The following LRP5 variants were observed in gnomAD, a reference collection of about 807,000 sequenced individuals.
The protein encoded by LRP5 is LDL receptor related protein 5.
In LRP5, 62 loss-of-function variants were observed where a neutral mutation model predicts 154.1. The ratio of observed to expected loss-of-function variants is 0.40; its 90% CI spans 0.33 to 0.50. LRP5 has a LOEUF of 0.50. LRP5 is among the 20% of genes least tolerant of loss of function. The probability of loss-of-function intolerance (pLI) is 0.55; values close to 1 mark genes in which losing one functional copy is unlikely to be tolerated. For synonymous variants in LRP5, 966 were observed against 1,011.5 expected, an observed-to-expected ratio of 0.96 and a Z score of 0.85; for missense variants, 1,915 against 2,336.7, an observed-to-expected ratio of 0.82 and a Z score of 3.72.
rs368804010 is a variant in LRP5 at position 68,439,757 on chromosome 11, C to G, written c.4349-20C>G. The G allele has an allele frequency of 6.2e-6, 10 of 1,606,486 alleles. No individual in the cohort carries two copies. The highest frequency in any genetic ancestry group is 7.6e-6 in the Non-Finnish European group (9 of 1,177,400). Reference sequence around the variant, plus strand: ...CTGAGCCTGGAAGCCACCTGACCTCCCCCGTCCCTTCCCTGCCAGGCATCG... The same window carrying G: ...CTGAGCCTGGAAGCCACCTGACCTCGCCCGTCCCTTCCCTGCCAGGCATCG... On this transcript the variant is annotated intron_variant, in intron 20 of 22. Coordinates refer to ENST00000294304, the MANE Select transcript of LRP5 (RefSeq NM_002335.4).
chr11:68,327,795 G>A (rs2098600558), intron 1 of LRP5, among the ~76,000 whole-genome samples: 1 of 152,174 alleles, frequency 6.6e-6, no homozygotes, highest in African/African-American at 2.4e-5. Flanking sequence ...TCCCCCGGAC[G>A]GAATGTGTTT....
chr11:68,421,420 C>T (rs1478585011), intron 13 of LRP5, among the ~76,000 whole-genome samples: 1 of 152,114 alleles, frequency 6.6e-6, no homozygotes, highest in African/African-American at 2.4e-5. Flanking sequence ...TCTGTTTTTG[C>T]ATCTGGTTCC....
chr11:68,443,568 TA>T lies in LRP5; in HGVS notation c.4489-2867del, dbSNP rs1565122068. Among the ~76,000 whole-genome samples, 113 of 42,034 alleles carry T rather than the reference TA, an allele frequency of 2.7e-3. 2 individuals carry two copies. Among genetic ancestry groups the T allele is most frequent in the African/African-American group, 7.9e-3 (68 of 8,572 alleles). 27.6% of individuals were successfully genotyped at this position (42,034 alleles called of 152,430 possible). A position where few individuals can be genotyped will look rare whatever the true frequency, so the allele number is the denominator to read the frequency against. On this transcript the variant is annotated intron_variant, in intron 21 of 22. Transcript: ENST00000294304. The stretch of plus-strand genomic sequence containing the variant: ...GCATATATATATATATATATATATA[TA>T]TATATATATATATATATTTTTTTTT...
chr11:68,337,671 G>A (rs1251925336), intron 1 of LRP5, among the ~76,000 whole-genome samples: 2 of 150,772 alleles, frequency 1.3e-5, no homozygotes, highest in Non-Finnish European at 3.0e-5. Context: ...CCACAGCCGT[G>A]TCTTCTTCCT....
At chr11:68,396,749 C>T (rs1299261248) in intron 7 of LRP5, among the ~76,000 whole-genome samples, 7 of 152,058 alleles carry the variant, frequency 4.6e-5, no homozygotes, top group Non-Finnish European at 8.8e-5. Context: ...CCCCATCCTG[C>T]GACCAGCTGT....
At chr11:68,383,039 G>A (rs535261728) in intron 5 of LRP5, among the ~76,000 whole-genome samples, 30 of 152,110 alleles carry the variant, frequency 2.0e-4, no homozygotes, top group Non-Finnish European at 4.3e-4. Flanking sequence ...CACCAGGCCT[G>A]GCATATTTTT....
At chr11:68,358,050 G>T (rs2098624668) in intron 3 of LRP5, among the ~76,000 whole-genome samples, 1 of 152,112 alleles carries the variant, frequency 6.6e-6, no homozygotes, top group South Asian at 2.1e-4. Context: ...AGCAAATGTG[G>T]CACGTTCATT....
intron 2 of LRP5, among the ~76,000 whole-genome samples, chr11:68,351,615 G>A: frequency 6.6e-6 from 1 of 152,186 alleles, no homozygotes; most frequent in Non-Finnish European, 1.5e-5. Context: ...GTGGGTCGCT[G>A]CAGCTCCCTC....
intron 5 of LRP5, among the ~76,000 whole-genome samples, chr11:68,367,226 G>C (rs2098631600): frequency 1.3e-5 from 2 of 152,224 alleles, no homozygotes; most frequent in African/African-American, 4.8e-5. Flanking sequence ...GGACCAAGCA[G>C]GTTAAGGGAG....
chr11:68,322,703 G>A (rs1213016670), intron 1 of LRP5, among the ~76,000 whole-genome samples: 4 of 152,272 alleles, frequency 2.6e-5, no homozygotes, highest in Non-Finnish European at 5.9e-5. Context: ...GGCCTCATCT[G>A]TCCAGGGAGC....
At chr11:68,392,643 C>T (rs1016942522) in intron 7 of LRP5, among the ~76,000 whole-genome samples, 2 of 152,144 alleles carry the variant, frequency 1.3e-5, no homozygotes, top group African/African-American at 2.4e-5. Context: ...CCATGCCCAC[C>T]GGCACTCACG....
In LRP5 at chr11:68,376,171, CTTTTTTTTTT is replaced by C. The variant is rs60401481; in HGVS notation, c.1016-10130_1016-10121del. On this transcript the variant is annotated intron_variant, in intron 5 of 22. Coordinates refer to ENST00000294304, the MANE Select transcript of LRP5 (RefSeq NM_002335.4). ...GGGTCGTCCGTGGCTGGCCCTGCTT[CTTTTTTTTTT>C]TTTTTTTTTTTTTTAATTGAGACAG... is the stretch of plus-strand genomic sequence containing the variant. Among the ~76,000 whole-genome samples, 4 of 92,840 alleles carry C rather than the reference CTTTTTTTTTT, an allele frequency of 4.3e-5. No homozygotes were observed. In the South Asian group the frequency reaches 1.4e-3, roughly 32 times the overall value. 60.9% of individuals were successfully genotyped at this position (92,840 alleles called of 152,430 possible). A position where few individuals can be genotyped will look rare whatever the true frequency, so the allele number is the denominator to read the frequency against.
chr11:68,355,253 C>T (rs115955850), intron 2 of LRP5, among the ~76,000 whole-genome samples: 138 of 152,232 alleles, frequency 9.1e-4, no homozygotes, highest in African/African-American at 3.1e-3. Flanking sequence ...CCCTGTGTCC[C>T]GGGATCACTC....
At chr11:68,343,725 G>T (rs554588110) in intron 1 of LRP5, among the ~76,000 whole-genome samples, 1 of 152,158 alleles carries the variant, frequency 6.6e-6, no homozygotes, top group East Asian at 1.9e-4. Flanking sequence ...CCCAGCGAAG[G>T]CCCCTCCTGC....
In LRP5 at chr11:68,423,491, C is replaced by G. The variant is rs1334335601; in HGVS notation, c.3030C>G (p.Pro1010=). 2.7e-5 allele frequency: 43 copies of G among 1,614,090 alleles called. No individual in the cohort carries two copies. The highest frequency in any genetic ancestry group is 3.6e-5 in the Non-Finnish European group (43 of 1,179,944). ...IKRAKDDGTQ[P]FVLTSLSQGQ... ...GTCTTGGTTTCTTTGTCTTACAGCC[C>G]TTTGTTTTGACCTCTCTGAGCCAAG... The change falls in exon 14 of 23, where the codon CCC becomes CCG. Residue 1010 remains proline, a splice_region_variant and synonymous_variant. Coordinates refer to ENST00000294304, the MANE Select transcript of LRP5 (RefSeq NM_002335.4). The surrounding 1 kb of genome is among the most constrained non-coding windows in gnomAD (Gnocchi z 4.7).
At chr11:68,323,652 T>G (rs927922684) in intron 1 of LRP5, among the ~76,000 whole-genome samples, 4 of 152,160 alleles carry the variant, frequency 2.6e-5, no homozygotes, top group Non-Finnish European at 5.9e-5. Flanking sequence ...ACTCCTGGGC[T>G]TAAGTGATCC....
Position 68,436,553 on chromosome 11 carries a change from A to ACCC in LRP5, c.4001-331_4001-329dup, listed in dbSNP as rs58286192. Among the ~76,000 whole-genome samples the ACCC allele has an allele frequency of 0.058, 8,620 of 148,134 alleles. 647 individuals are homozygous for ACCC. Among genetic ancestry groups the ACCC allele is most frequent in the African/African-American group, 0.18 (7,092 of 40,176 alleles). On this transcript the variant is annotated intron_variant, in intron 18 of 22. Coordinates refer to ENST00000294304, the MANE Select transcript of LRP5 (RefSeq NM_002335.4). ...GTGGCCATTCCTGTCCTTGGCACCC[A>ACCC]CCCCCCCACCAACCTGGTAGAGCCT...
At chr11:68,409,213 A>G (rs1045320827) in intron 9 of LRP5, among the ~76,000 whole-genome samples, 2 of 61,104 alleles carry the variant, frequency 3.3e-5, no homozygotes, top group Non-Finnish European at 7.6e-5. Context: ...ATAAGTAAAT[A>G]TATAATATAT....
intron 1 of LRP5, among the ~76,000 whole-genome samples, chr11:68,340,565 A>G (rs1591194402): frequency 6.6e-6 from 1 of 152,300 alleles, no homozygotes; most frequent in East Asian, 1.9e-4. Context: ...CATTTCACAG[A>G]CAGGATGTTG....
Sources: gnomAD v4.1 joint callset for allele counts (sites outside exome capture counted in the v4.1 genomes callset) on GRCh38, gnomAD v4.1.1 for gene constraint, Gnocchi (gnomAD v3.1) non-coding constraint, MANE v1.5 for transcripts, NCBI Gene and HGNC (gene_info 2026-07-23, HGNC 2026-07-21) for gene names.